The following ERC2 variants were observed in gnomAD, a reference collection of about 807,000 sequenced individuals.
ERC2 encodes the protein ERC protein 2.
A neutral mutation model predicts 114.8 loss-of-function variants in ERC2; 42 were observed. That is an observed-to-expected ratio of 0.37 (90% CI 0.29 to 0.47). The LOEUF is 0.47. ERC2 is among the 20% of genes least tolerant of loss of function. The pLI is 0.99. For synonymous variants in ERC2, 454 were observed against 425.5 expected (o/e 1.07, Z -0.82); for missense variants, 939 against 1,150.7 (o/e 0.82, Z 2.66).
chr3:56,363,229 A>G (rs1490275385), intron 2 of ERC2, among the ~76,000 whole-genome samples: 1 of 152,196 alleles, frequency 6.6e-6, no homozygotes, highest in Non-Finnish European at 1.5e-5. Flanking sequence ...AATCAAAATG[A>G]CCATAATTTA....
chr3:55,800,081 T>C (rs2070915011), intron 14 of ERC2, among the ~76,000 whole-genome samples: 1 of 152,140 alleles, frequency 6.6e-6, no homozygotes, highest in South Asian at 2.1e-4. Context: ...TGTAGTCAGT[T>C]ATAGAGACAG....
intron 7 of ERC2, among the ~76,000 whole-genome samples, chr3:56,020,268 T>A (rs1267486422): frequency 6.6e-6 from 1 of 152,092 alleles, no homozygotes; most frequent in Non-Finnish European, 1.5e-5. Context: ...AAGATGAAAT[T>A]TTTTTTCTTT....
chr3:55,906,387 G>A (rs975037909), intron 13 of ERC2, among the ~76,000 whole-genome samples: 1 of 142,554 alleles, frequency 7.0e-6, no homozygotes, highest in Non-Finnish European at 1.5e-5. Context: ...AGCCGAGATC[G>A]CGCCACTGCA....
At chr3:56,107,667 A>G (rs762541212) in intron 6 of ERC2, among the ~76,000 whole-genome samples, 1 of 152,188 alleles carries the variant, frequency 6.6e-6, no homozygotes, top group Non-Finnish European at 1.5e-5. Context: ...ACACCAAGAC[A>G]TTTTACCTAA....
intron 3 of ERC2, among the ~76,000 whole-genome samples, chr3:56,294,690 G>C (rs1287612405): frequency 6.6e-6 from 1 of 152,190 alleles, no homozygotes; most frequent in African/African-American, 2.4e-5. Flanking sequence ...TATCATTTAG[G>C]AGCAAGTTAT....
chr3:55,576,942 G>A (rs2057014410), intron 17 of ERC2, among the ~76,000 whole-genome samples: 4 of 152,236 alleles, frequency 2.6e-5, no homozygotes, highest in Admixed American at 2.6e-4. Flanking sequence ...CTGTCCAGAG[G>A]AGAGTCTTGC....
intron 13 of ERC2, among the ~76,000 whole-genome samples, chr3:55,915,072 C>T (rs1161575968): frequency 7.9e-5 from 12 of 152,084 alleles, no homozygotes; most frequent in Non-Finnish European, 1.3e-4. Flanking sequence ...TCCACCCTAT[C>T]GTTGAAATGC....
chr3:55,776,101 C>T (rs1033260682), intron 14 of ERC2, among the ~76,000 whole-genome samples: 4 of 135,572 alleles, frequency 3.0e-5, no homozygotes, highest in African/African-American at 1.3e-4. Context: ...AACACCAACA[C>T]ATACTTTTTT....
At chr3:55,598,635 A>G (rs974516234) in intron 17 of ERC2, among the ~76,000 whole-genome samples, 1 of 152,230 alleles carries the variant, frequency 6.6e-6, no homozygotes, top group African/African-American at 2.4e-5. Flanking sequence ...CCAGAGATGC[A>G]CCACTGTTAT....
chr3:55,526,777 G>A (rs763747909), intron 17 of ERC2, among the ~76,000 whole-genome samples: 9 of 152,204 alleles, frequency 5.9e-5, no homozygotes, highest in Non-Finnish European at 1.3e-4. Flanking sequence ...TCTTCACGGG[G>A]CCTTGGTGCA....
intron 14 of ERC2, among the ~76,000 whole-genome samples, chr3:55,825,498 G>T (rs2060289885): frequency 6.6e-6 from 1 of 152,308 alleles, no homozygotes; most frequent in African/African-American, 2.4e-5. Context: ...ATATCTGGAT[G>T]TCTGCATAAC....
chr3:55,847,182 A>G (rs1356020138), intron 14 of ERC2, among the ~76,000 whole-genome samples: 2 of 152,226 alleles, frequency 1.3e-5, no homozygotes, highest in South Asian at 2.1e-4. Flanking sequence ...AAATGAGGCA[A>G]TTCACAAAGG....
chr3:56,306,666 C>T (rs1576360670), intron 2 of ERC2, among the ~76,000 whole-genome samples: 1 of 152,078 alleles, frequency 6.6e-6, no homozygotes, highest in African/African-American at 2.4e-5. Context: ...GTATTATATA[C>T]CATAATTTAC....
intron 10 of ERC2, among the ~76,000 whole-genome samples, chr3:56,000,068 CA>C (rs1446414138): frequency 1.3e-5 from 2 of 151,686 alleles, no homozygotes; most frequent in African/African-American, 2.4e-5. Flanking sequence ...GACACTCACC[CA>C]AATGAGAACT....
chr3:55,831,639 C>T (rs1054903396), intron 14 of ERC2, among the ~76,000 whole-genome samples: 2 of 152,044 alleles, frequency 1.3e-5, no homozygotes, highest in Non-Finnish European at 2.9e-5. Context: ...CCAAGATGGC[C>T]GAATAGGAAC....
intron 6 of ERC2, among the ~76,000 whole-genome samples, chr3:56,121,072 G>A (rs1027862351): frequency 6.6e-6 from 1 of 152,174 alleles, no homozygotes; most frequent in African/African-American, 2.4e-5. Flanking sequence ...CATGATTACT[G>A]TTTAGACCTG....
rs562397469 is a variant in ERC2, at chr3:56,436,918, C to T, written c.-140-1771G>A. On this transcript the variant is annotated intron_variant, in intron 1 of 17. Coordinates refer to ENST00000288221, the MANE Select transcript of ERC2 (RefSeq NM_015576.3). ...GGTGACATCACTTCATACTCCAGAT[C>T]CAGGAATCATAGAAGTTACCATCAT... 2.5e-4 allele frequency among the ~76,000 whole-genome samples: 38 copies of T among 152,272 alleles called. No individual in the cohort carries two copies. In the South Asian group the frequency reaches 7.9e-3, roughly 32 times the overall value.
rs759704719 is a variant in ERC2, at chr3:56,296,131, C to T, written c.962G>A (p.Ser321Asn). The stretch of plus-strand genomic sequence containing the variant: ...CGTTCGCTCATTGTCATCCTCCAGG[C>T]TTTTGGATGGCAAGCCTTTACTTTG... ...MLQSKGLPSKSLEDDNERTRR... is the reference protein window; with the variant it reads ...MLQSKGLPSKNLEDDNERTRR... The change falls in exon 3 of 18, where the codon AGC becomes AAC. Residue 321 changes from serine to asparagine, a missense_variant. Physicochemically the swap from Ser to Asn is conservative, Grantham distance 46. Transcript: ENST00000288221. The T allele has an allele frequency of 1.9e-6, 3 of 1,614,028 alleles. 1 individual carries two copies. In the South Asian group the frequency reaches 3.3e-5, roughly 18 times the overall value.
chr3:56,123,969 A>C (rs1355167517), intron 6 of ERC2, among the ~76,000 whole-genome samples: 4 of 152,206 alleles, frequency 2.6e-5, no homozygotes. Flanking sequence ...TTTGTATTAC[A>C]GATAATTGTT....
Sources: gnomAD v4.1 joint callset for allele counts (sites outside exome capture counted in the v4.1 genomes callset) on GRCh38, gnomAD v4.1.1 for gene constraint, MANE v1.5 for transcripts, NCBI Gene and HGNC (gene_info 2026-07-23, HGNC 2026-07-21) for gene names.